DNMT3B: variants seen among roughly 807,000 people sequenced by gnomAD.
The protein encoded by DNMT3B is DNA methyltransferase 3 beta, also known as DNA (cytosine-5)-methyltransferase 3B.
DNMT3B carries 37 observed loss-of-function variants against 120.2 expected under a neutral mutation model. The ratio of observed to expected loss-of-function variants is 0.31; its 90% CI spans 0.24 to 0.40. The LOEUF is 0.40. Ranked by LOEUF, DNMT3B falls within the 10% of genes least tolerant of loss-of-function variation. DNMT3B has a pLI of 1.00. For synonymous variants in DNMT3B, 412 were observed against 442.8 expected (o/e 0.93, Z 0.87); for missense variants, 878 against 1,137.3 (o/e 0.77, Z 3.28).
chr20:32,800,789 T>C, intron 17 of DNMT3B, 46 bp from the exon 18 acceptor site: 1 of 1,600,426 alleles, frequency 6.2e-7, no homozygotes, highest in Non-Finnish European at 8.6e-7. Context: ...CCAGCTCTCT[T>C]TCCCTCTGTC....
chr20:32,781,792 C>G (rs1457998118), intron 3 of DNMT3B, among the ~76,000 whole-genome samples: 3 of 152,164 alleles, frequency 2.0e-5, no homozygotes, highest in African/African-American at 4.8e-5. Context: ...TCCGTCCTGC[C>G]CAGGATCAGT....
intron 9 of DNMT3B, among the ~76,000 whole-genome samples, chr20:32,793,214 C>A (rs1980196963): frequency 6.6e-6 from 1 of 152,212 alleles, no homozygotes; most frequent in African/African-American, 2.4e-5. Flanking sequence ...GATTTAAAGG[C>A]CAGGCCTAGT....
intron 18 of DNMT3B, 33 bp downstream of exon 18, chr20:32,800,958 A>C: frequency 6.2e-7 from 1 of 1,611,934 alleles, no homozygotes; most frequent in South Asian, 1.1e-5. Flanking sequence ...GTCCCTGGAG[A>C]GCCTATGTCA....
At position 32,800,250 on chromosome 20, in the gene DNMT3B, G is replaced by T. The variant is rs758232673; in HGVS notation, c.1857G>T (p.Glu619Asp). 21 of 1,614,194 alleles carry T rather than the reference G, an allele frequency of 1.3e-5. No individual in the cohort carries two copies. Among genetic ancestry groups the T allele is most frequent in the Non-Finnish European group, 1.7e-5 (20 of 1,180,028 alleles). Reference sequence around the variant, plus strand: ...TTGCTGTTGGAACCGTGAAGCACGAGGGGAATATCAAATACGTGAACGACG... The same window carrying T: ...TTGCTGTTGGAACCGTGAAGCACGATGGGAATATCAAATACGTGAACGACG... ...ESIAVGTVKH[E>D]GNIKYVNDVR... Residue 619 changes from glutamate to aspartate, a missense_variant, in exon 17 of 23, where the codon GAG becomes GAT. Transcript: ENST00000328111.
In DNMT3B at chr20:32,780,333, G is replaced by C. The variant is rs778827030; in HGVS notation, c.10G>C (p.Asp4His). Residue 4 changes from aspartate (D) to histidine (H), a missense_variant, in exon 2 of 23, where the codon GAC becomes CAC. Asp to His is a moderately conservative substitution (Grantham distance 81). This residue lies in a region of DNMT3B where 287 missense variants were observed against 306.2 expected (regional missense o/e 0.94). Coordinates refer to ENST00000328111, the MANE Select transcript of DNMT3B (RefSeq NM_006892.4). MKG[D>H]TRHLNGEEDA... ...TCTCCCACAGGAAAGCATGAAGGGA[G>C]ACACCAGGCATCTCAATGGAGAGGA... 8 of 1,613,906 alleles carry C rather than the reference G, an allele frequency of 5.0e-6. No homozygotes were observed. In the East Asian group the frequency reaches 1.8e-4, roughly 36 times the overall value.
At chr20:32,805,968 A>G (rs1400207639) in intron 21 of DNMT3B, among the ~76,000 whole-genome samples, 1 of 152,030 alleles carries the variant, frequency 6.6e-6, no homozygotes, top group Non-Finnish European at 1.5e-5. Flanking sequence ...ACGTCTTGGC[A>G]TTTGTGGGAA....
intron 18 of DNMT3B, 81 bp downstream of exon 18, chr20:32,801,006 G>C: frequency 1.3e-6 from 2 of 1,540,458 alleles, no homozygotes; most frequent in Non-Finnish European, 1.8e-6. Context: ...CTGAGAAGGA[G>C]CCACTTGCTT....
chr20:32,776,024 T>A (rs1056958165), intron 1 of DNMT3B, among the ~76,000 whole-genome samples: 19 of 151,746 alleles, frequency 1.3e-4, no homozygotes, highest in African/African-American at 4.6e-4. Context: ...AGGTCAGGAG[T>A]TTGAGACCAG....
Position 32,773,612 on chromosome 20 carries a change from C to CT in DNMT3B, c.-6-6689dup, listed in dbSNP as rs11356349. 7.1e-3 allele frequency among the ~76,000 whole-genome samples: 991 copies of CT among 138,836 alleles called. 10 individuals are homozygous for CT. Among genetic ancestry groups the CT allele is most frequent in the African/African-American group, 0.019 (717 of 37,338 alleles). The allele number at this position is 138,836 out of a possible 152,430, so 91.1% of individuals were successfully genotyped here. A position where few individuals can be genotyped will look rare whatever the true frequency, so the allele number is the denominator to read the frequency against. On this transcript the variant is annotated intron_variant, in intron 1 of 22. Coordinates refer to ENST00000328111, the MANE Select transcript of DNMT3B (RefSeq NM_006892.4). ...ACTGGGGTTTGAGAGAAATATTGGG[C>CT]TTTTTTTTTTTTTTTTTATAACAGG...
At chr20:32,801,066 C>A in intron 18 of DNMT3B, 141 bp downstream of exon 18, 1 of 1,241,128 alleles carries the variant, frequency 8.1e-7, no homozygotes, top group Non-Finnish European at 1.2e-6. Context: ...TGCCTACGCT[C>A]CATAGTAAAT....
At chr20:32,797,155 C>T (rs1291609076) in intron 13 of DNMT3B, 32 bp from the exon 14 acceptor site, 19 of 1,611,108 alleles carry the variant, frequency 1.2e-5, no homozygotes, top group South Asian at 2.2e-5. Flanking sequence ...CTCTGGTCTC[C>T]GATTTCACTG....
chr20:32,782,017 GAAAGTTCTCA>G (rs1978682331), intron 3 of DNMT3B, among the ~76,000 whole-genome samples: 1 of 152,216 alleles, frequency 6.6e-6, no homozygotes, highest in South Asian at 2.1e-4. Flanking sequence ...GTGAAAAAGT[GAAAGTTCTCA>G]AAAAGGAAAG....
chr20:32,780,149 A>T, intron 1 of DNMT3B, 169 bp from the exon 2 acceptor site: 1 of 1,613,554 alleles, frequency 6.2e-7, no homozygotes, highest in Non-Finnish European at 8.5e-7. Context: ...AAGCTTGGTG[A>T]GGGGGAGGCT....
chr20:32,785,944 C>T (rs750011299), intron 4 of DNMT3B, among the ~76,000 whole-genome samples: 1 of 151,474 alleles, frequency 6.6e-6, no homozygotes, highest in South Asian at 2.1e-4. Context: ...AGTGCAGTGA[C>T]GTGATCTCAG....
rs772886351 is a variant in DNMT3B, at chr20:32,805,344, G to A, written c.2238G>A (p.Val746=). ...WGNLPGMNRP[V]IASKNDKLEL... ...GGGTTTTGGCTGTTCCCAGGCCCGT[G>A]ATAGCATCAAAGAATGATAAACTCG... The change falls in exon 21 of 23, where the codon GTG becomes GTA. Residue 746 remains valine (V), a synonymous_variant. Transcript: ENST00000328111. 4.5e-5 allele frequency: 73 copies of A among 1,614,054 alleles called. No homozygotes were observed. The highest frequency in any genetic ancestry group is 6.0e-5 in the Non-Finnish European group (71 of 1,180,028).
In DNMT3B at chr20:32,796,774, C is replaced by G. The variant is rs762553715; in HGVS notation, c.1298-16C>G. The stretch of plus-strand genomic sequence containing the variant: ...GGCCTCAACTGCCAAAAGCCACAAC[C>G]CTGTTTTTCTTACAGATGGCTGTTT... On this transcript the variant is annotated splice_polypyrimidine_tract_variant and intron_variant, in intron 12 of 22. Transcript: ENST00000328111. 5.6e-6 allele frequency: 9 copies of G among 1,614,094 alleles called. No homozygotes were observed. The highest frequency in any genetic ancestry group is 6.8e-6 in the Non-Finnish European group (8 of 1,180,042).
intron 20 of DNMT3B, 64 bp from the exon 21 acceptor site, chr20:32,805,274 A>T: frequency 6.2e-7 from 1 of 1,600,770 alleles, no homozygotes; most frequent in Non-Finnish European, 8.6e-7. Context: ...CCTCACTCCC[A>T]CCTTGTGCCT....
rs771557655 is a variant in DNMT3B, at chr20:32,762,631, G to GGCCTCCCGCCAGCCA, written c.-71_-57dup. ...CCAGCGCCCTGCACGGCCGCCAGCC[G>GGCCTCCCGCCAGCCA]GCCTCCCGCCAGCCAGCCCCGACCC... On this transcript the variant is annotated 5_prime_UTR_variant, in exon 1 of 23. Transcript: ENST00000328111. 1 of 278,736 alleles carries GGCCTCCCGCCAGCCA rather than the reference G, an allele frequency of 3.6e-6. No individual in the cohort carries two copies. The highest frequency in any genetic ancestry group is 1.6e-4 in the East Asian group (1 of 6,262). 17.3% of individuals were successfully genotyped at this position (278,736 alleles called of 1,614,324 possible).
intron 15 of DNMT3B, among the ~76,000 whole-genome samples, 157 bp downstream of exon 15, chr20:32,798,800 C>A (rs1293226226): frequency 1.3e-5 from 2 of 152,238 alleles, no homozygotes; most frequent in Non-Finnish European, 2.9e-5. Context: ...AGCTCCTCTG[C>A]ACGGTTTTCA....
Sources: allele counts gnomAD v4.1 joint callset (sites outside exome capture counted in the v4.1 genomes callset), GRCh38; gene constraint gnomAD v4.1.1; regional missense constraint gnomAD v4.1.1; transcripts MANE v1.5; gene names NCBI Gene and HGNC (gene_info 2026-07-23, HGNC 2026-07-21).